VLDLR: variants seen among roughly 807,000 people sequenced by gnomAD.
VLDLR encodes very low-density lipoprotein receptor.
VLDLR carries 81 observed loss-of-function variants against 112.7 expected under a neutral mutation model. The observed-to-expected ratio is 0.72, with a 90% CI of 0.60 to 0.86. VLDLR has a LOEUF of 0.86. Ranked by LOEUF, VLDLR falls within the 40% of genes least tolerant of loss-of-function variation. The pLI, the probability that VLDLR is intolerant of heterozygous loss-of-function variation, is 0.00. For synonymous variants in VLDLR, 436 were observed against 384.8 expected, an observed-to-expected ratio of 1.13 and a Z score of -1.56; for missense variants, 1,237 against 1,099.4, an observed-to-expected ratio of 1.13 and a Z score of -1.77.
intron 1 of VLDLR, among the ~76,000 whole-genome samples, chr9:2,627,864 C>CAA (rs544070052): frequency 1.4e-4 from 15 of 104,390 alleles, no homozygotes; most frequent in African/African-American, 1.7e-4. Context: ...GAATCCATCT[C>CAA]AAAAAAAAAA....
intron 1 of VLDLR, among the ~76,000 whole-genome samples, chr9:2,634,465 A>G (rs1817510819): frequency 6.6e-6 from 1 of 152,240 alleles, no homozygotes; most frequent in African/African-American, 2.4e-5. Flanking sequence ...TGTGCCTTTT[A>G]TCGTGAAGCA....
intron 7 of VLDLR, 134 bp downstream of exon 7, chr9:2,644,093 G>T: frequency 3.9e-6 from 5 of 1,278,452 alleles, no homozygotes; most frequent in Non-Finnish European, 5.4e-6. Flanking sequence ...ACTTCAGAGT[G>T]AAACTTTATG....
At chr9:2,647,719 C>CAA in intron 12 of VLDLR, 127 bp downstream of exon 12, 1 of 843,492 alleles carries the variant, frequency 1.2e-6, no homozygotes, top group Non-Finnish European at 2.1e-6. Context: ...CAGGAATTTT[C>CAA]AATGGGAGTA....
At position 2,652,760 on chromosome 9, in the gene VLDLR, T is replaced by C. The variant is rs572159634; in HGVS notation, c.2417-20T>C. On this transcript the variant is annotated intron_variant, in intron 17 of 18. Coordinates refer to ENST00000382100, the MANE Select transcript of VLDLR (RefSeq NM_003383.5). ...CAATACTAGACTTAGCTCACTTAGC[T>C]ACCCTCTGATTTTTTTCAGTGCTCT... 8.7e-6 allele frequency: 14 copies of C among 1,614,086 alleles called. No individual in the cohort carries two copies. In the East Asian group the frequency reaches 2.7e-4, roughly 31 times the overall value.
Position 2,643,252 on chromosome 9 carries a change from G to C in VLDLR, c.541G>C (p.Asp181His). 1 of 1,614,134 alleles carries C rather than the reference G, an allele frequency of 6.2e-7. No individual in the cohort carries two copies. Among genetic ancestry groups the C allele is most frequent in the African/African-American group, 1.3e-5 (1 of 75,050 alleles). ...ATGCAATGGCCAGGATGACTGCAGC[G>C]ATGGCAGTGATGAGCTGGACTGTGC... ...FVCNGQDDCS[D>H]GSDELDCAPP... The change falls in exon 5 of 19, where the codon GAT (aspartate) becomes CAT (histidine). Residue 181 changes from aspartate to histidine, a missense_variant. Physicochemically the swap from Asp to His is moderately conservative, Grantham distance 81. Coordinates refer to ENST00000382100, the MANE Select transcript of VLDLR (RefSeq NM_003383.5).
chr9:2,645,877 T>C, intron 10 of VLDLR, 132 bp downstream of exon 10: 1 of 980,396 alleles, frequency 1.0e-6, no homozygotes, highest in Non-Finnish European at 1.6e-6. Context: ...GGACATTAAA[T>C]CTAATGCTAA....
Position 2,622,075 on chromosome 9 carries a change from C to A in VLDLR, c.-115C>A, listed in dbSNP as rs938978389. 3.1e-6 allele frequency: 3 copies of A among 953,452 alleles called. No individual in the cohort carries two copies. The highest frequency in any genetic ancestry group is 4.4e-6 in the Non-Finnish European group (3 of 675,562). The allele number at this position is 953,452 out of a possible 1,614,324, so 59.1% of individuals were successfully genotyped here. On this transcript the variant is annotated 5_prime_UTR_variant, in exon 1 of 19. Transcript: ENST00000382100. The stretch of plus-strand genomic sequence containing the variant: ...CCCGCCAACTCCTTCCCCTCCTTCT[C>A]CCCCTTTCCCCTCCCCGCCCCCACC...
chr9:2,636,144 C>T (rs768937876), intron 2 of VLDLR, among the ~76,000 whole-genome samples: 3 of 152,156 alleles, frequency 2.0e-5, no homozygotes, highest in South Asian at 2.1e-4. Context: ...CATCAATCAG[C>T]ATCTATTAAA....
chr9:2,627,849 T>G (rs1313360641), intron 1 of VLDLR, among the ~76,000 whole-genome samples: 4 of 138,994 alleles, frequency 2.9e-5, no homozygotes, highest in African/African-American at 8.3e-5. Flanking sequence ...TGGGCTACAG[T>G]GCGAGAATCC....
chr9:2,636,247 T>C (rs183328476), intron 2 of VLDLR, among the ~76,000 whole-genome samples: 3 of 152,312 alleles, frequency 2.0e-5, no homozygotes, highest in African/African-American at 7.2e-5. Flanking sequence ...TACATTTACA[T>C]ACCATGAATA....
rs78427259 is a variant in VLDLR, at chr9:2,652,171, T to C, written c.2416+217T>C. 7.9e-4 allele frequency among the ~76,000 whole-genome samples: 121 copies of C among 152,344 alleles called. 3 individuals carry two copies. The East Asian group carries it at 0.019, about 24-fold the overall frequency. ...TGGCACAGTAACTGGCAATGATAAGTGTTCAACGGTTAATGCTTTCTACTT... is the reference window on the plus strand; with the variant it reads ...TGGCACAGTAACTGGCAATGATAAGCGTTCAACGGTTAATGCTTTCTACTT... On this transcript the variant is annotated intron_variant, in intron 17 of 18. Coordinates refer to ENST00000382100, the MANE Select transcript of VLDLR (RefSeq NM_003383.5).
At chr9:2,644,593 TA>T in intron 7 of VLDLR, 140 bp from the exon 8 acceptor site, 1 of 1,056,154 alleles carries the variant, frequency 9.5e-7, no homozygotes, top group Non-Finnish European at 1.4e-6. Flanking sequence ...TATATACCTA[TA>T]AAATAAATGA....
intron 13 of VLDLR, 86 bp downstream of exon 13, chr9:2,648,433 A>G: frequency 6.3e-7 from 1 of 1,597,656 alleles, no homozygotes; most frequent in Non-Finnish European, 8.6e-7. Context: ...GGAGGAGGGA[A>G]GAGCAGCTGA....
At chr9:2,653,619 C>A (rs1162735144) in intron 18 of VLDLR, among the ~76,000 whole-genome samples, 1 of 152,210 alleles carries the variant, frequency 6.6e-6, no homozygotes, top group East Asian at 1.9e-4. Flanking sequence ...CAGAATTAGT[C>A]ACACTATCTT....
chr9:2,637,860 G>A (rs1039020284), intron 2 of VLDLR, among the ~76,000 whole-genome samples: 3 of 152,048 alleles, frequency 2.0e-5, no homozygotes, highest in South Asian at 2.1e-4. Context: ...GGAGAATGGC[G>A]TGAACCCGGG....
At chr9:2,652,017 G>C (rs188004889) in intron 17 of VLDLR, 63 bp downstream of exon 17, 7 of 1,522,602 alleles carry the variant, frequency 4.6e-6, no homozygotes, top group Non-Finnish European at 6.4e-6. Flanking sequence ...AAGATTTTTT[G>C]TTCATCTGGA....
intron 1 of VLDLR, among the ~76,000 whole-genome samples, chr9:2,633,069 T>A (rs1586640109): frequency 6.7e-6 from 1 of 148,248 alleles, no homozygotes; most frequent in African/African-American, 2.6e-5. Context: ...TGTGTGTGTG[T>A]GTGTGTGTGT....
intron 3 of VLDLR, among the ~76,000 whole-genome samples, chr9:2,640,810 C>T (rs1817791562): frequency 6.6e-6 from 1 of 152,214 alleles, no homozygotes; most frequent in Non-Finnish European, 1.5e-5. Flanking sequence ...CAAGTGAGTT[C>T]AAGGCCTGTG....
chr9:2,622,655 G>A (rs1440333016), intron 1 of VLDLR, among the ~76,000 whole-genome samples: 1 of 152,216 alleles, frequency 6.6e-6, no homozygotes, highest in Non-Finnish European at 1.5e-5. Flanking sequence ...GAGGCAGAGG[G>A]CCAAGACGTG....
Sources: allele counts gnomAD v4.1 joint callset (sites outside exome capture counted in the v4.1 genomes callset), GRCh38; gene constraint gnomAD v4.1.1; transcripts MANE v1.5; gene names NCBI Gene and HGNC (gene_info 2026-07-23, HGNC 2026-07-21).